The following ELAPOR2 variants were observed in gnomAD, a reference collection of about 807,000 sequenced individuals.
ELAPOR2 encodes the protein endosome/lysosome-associated apoptosis and autophagy regulator family member 2.
Under a neutral mutation model 120.7 loss-of-function variants are expected in ELAPOR2, and 89 were observed. That is an observed-to-expected ratio of 0.74 (90% CI 0.62 to 0.88). The LOEUF (loss-of-function observed/expected upper bound fraction) is 0.88. Among genes scored for constraint, ELAPOR2 ranks in the 40% least tolerant of loss-of-function variants. The probability of loss-of-function intolerance (pLI) is 0.00; values close to 1 mark genes in which losing one functional copy is unlikely to be tolerated. For missense variants in ELAPOR2, 1,134 were observed against 1,251.6 expected (o/e 0.91, Z 1.42); for synonymous variants, 444 against 444.9 (o/e 1.00, Z 0.03).
chr7:87,000,967 G>A (rs1472210322), intron 1 of ELAPOR2, among the ~76,000 whole-genome samples: 1 of 152,108 alleles, frequency 6.6e-6, no homozygotes, highest in African/African-American at 2.4e-5. Flanking sequence ...TTTATAAATG[G>A]AAATATTGTA....
chr7:87,018,157 C>T (rs1483045009), intron 1 of ELAPOR2, among the ~76,000 whole-genome samples: 1 of 152,072 alleles, frequency 6.6e-6, no homozygotes, highest in Non-Finnish European at 1.5e-5. Flanking sequence ...TCTCCTGCCT[C>T]AGCCTCCCAA....
intron 21 of ELAPOR2, chr7:86,891,259 C>CA (rs1444565748): frequency 6.6e-6 from 1 of 152,052 alleles, no homozygotes; most frequent in African/African-American, 2.4e-5. Flanking sequence ...GTGAAAATTC[C>CA]AATATCACAA....
chr7:86,916,865 G>A (rs1266046049), intron 12 of ELAPOR2, among the ~76,000 whole-genome samples: 1 of 151,604 alleles, frequency 6.6e-6, no homozygotes, highest in Non-Finnish European at 1.5e-5. Context: ...CCAGACTGCA[G>A]TGTAGTGGCA....
At chr7:86,914,671 G>A in intron 13 of ELAPOR2, 52 bp downstream of exon 13, 3 of 1,502,376 alleles carry the variant, frequency 2.0e-6, no homozygotes, top group South Asian at 1.3e-5. Context: ...ATCTCCACAA[G>A]GGGGCATCAT....
chr7:86,981,186 A>G (rs1269993963), intron 1 of ELAPOR2, among the ~76,000 whole-genome samples: 2 of 152,258 alleles, frequency 1.3e-5, no homozygotes, highest in East Asian at 3.9e-4. Context: ...GTTCCCTTAA[A>G]TTGGTCCATA....
chr7:86,912,117 T>C lies in ELAPOR2; in HGVS notation c.2124A>G (p.Gly708=). ...LMNGPSFTSK[G]TKYFHFFNIS... Reference sequence around the variant, plus strand: ...TATTGAAGAAATGGAAGTATTTTGTTCCTTTGGAGGTGAAGCTGGGGCCAT... The same window carrying C: ...TATTGAAGAAATGGAAGTATTTTGTCCCTTTGGAGGTGAAGCTGGGGCCAT... Residue 708 remains glycine (G), a synonymous_variant, in exon 15 of 22, where the codon GGA becomes GGG. Coordinates refer to ENST00000450689, the MANE Select transcript of ELAPOR2 (RefSeq NM_001142749.3). 6.2e-7 allele frequency: 1 copy of C among 1,611,992 alleles called. No homozygotes were observed.
At chr7:87,028,878 T>C (rs565767194) in intron 1 of ELAPOR2, among the ~76,000 whole-genome samples, 2 of 152,324 alleles carry the variant, frequency 1.3e-5, no homozygotes, top group East Asian at 3.9e-4. Context: ...CCTCTCACTC[T>C]GCTCAAGCCA....
At chr7:86,884,855 C>T (rs1337056819) in intron 21 of ELAPOR2, among the ~76,000 whole-genome samples, 1 of 152,152 alleles carries the variant, frequency 6.6e-6, no homozygotes, top group Non-Finnish European at 1.5e-5. Context: ...GGCTCAACAC[C>T]TCTTGCAATC....
chr7:86,881,357 C>T (rs1337402269), intron 21 of ELAPOR2, among the ~76,000 whole-genome samples: 1 of 138,964 alleles, frequency 7.2e-6, no homozygotes, highest in Non-Finnish European at 1.6e-5. Flanking sequence ...CAAGCACGCC[C>T]TTTTTTTTTT....
At chr7:86,885,452 A>G (rs1010827956) in intron 21 of ELAPOR2, among the ~76,000 whole-genome samples, 2 of 152,156 alleles carry the variant, frequency 1.3e-5, no homozygotes, top group African/African-American at 4.8e-5. Flanking sequence ...AAGTGAATGC[A>G]AACATCTTGT....
Position 86,974,620 on chromosome 7 carries a change from T to TG in ELAPOR2, c.190-9597_190-9596insC, listed in dbSNP as rs57026925. ...GTGTGTGTGTGTGTGTGTGTGTGTGTTGGATACATGAAAAAAGACTATAGG... is the reference window on the plus strand; with the variant it reads ...GTGTGTGTGTGTGTGTGTGTGTGTGTGTGGATACATGAAAAAAGACTATAGG... On this transcript the variant is annotated intron_variant, in intron 1 of 21. Transcript: ENST00000450689. 1.3e-4 allele frequency among the ~76,000 whole-genome samples: 19 copies of TG among 148,734 alleles called. No individual in the cohort carries two copies. The East Asian group carries it at 2.6e-3, about 20-fold the overall frequency.
chr7:86,905,068 AGAGAAGGAAG>A (rs1788911093), intron 18 of ELAPOR2, among the ~76,000 whole-genome samples: 1 of 141,076 alleles, frequency 7.1e-6, no homozygotes, highest in African/African-American at 2.7e-5. Flanking sequence ...AGACAGAGAG[AGAGAAGGAAG>A]GAAGGAAGGA....
Position 86,940,101 on chromosome 7 carries a change from T to A in ELAPOR2, c.756A>T (p.Ser252=), listed in dbSNP as rs1345994401. 1 of 1,610,194 alleles carries A rather than the reference T, an allele frequency of 6.2e-7. No homozygotes were observed. The highest frequency in any genetic ancestry group is 1.7e-5 in the Admixed American group (1 of 59,800). The part of the protein sequence containing the change: ...EWGSHSVMLK[S]GTNILYWRTT... ...TTCTCCAGTAGAGTATGTTTGTGCCTGATTTCAGCATTACCTATAAAGAGA... is the reference window on the plus strand; with the variant it reads ...TTCTCCAGTAGAGTATGTTTGTGCCAGATTTCAGCATTACCTATAAAGAGA... The change falls in exon 6 of 22, where the codon TCA becomes TCT. Residue 252 remains serine (S), a synonymous_variant. Transcript: ENST00000450689.
chr7:87,023,130 G>C (rs892930812), intron 1 of ELAPOR2, among the ~76,000 whole-genome samples: 3 of 152,142 alleles, frequency 2.0e-5, no homozygotes, highest in Non-Finnish European at 4.4e-5. Flanking sequence ...TAGACATGAA[G>C]TCCTTGCCCA....
At chr7:86,915,057 T>G (rs1789502138) in intron 12 of ELAPOR2, among the ~76,000 whole-genome samples, 197 bp from the exon 13 acceptor site, 1 of 152,134 alleles carries the variant, frequency 6.6e-6, no homozygotes, top group Non-Finnish European at 1.5e-5. Flanking sequence ...GTAATCACAA[T>G]ATATCAACCA....
chr7:86,925,927 T>A (rs905856276), intron 9 of ELAPOR2, among the ~76,000 whole-genome samples: 5 of 152,030 alleles, frequency 3.3e-5, no homozygotes, highest in Non-Finnish European at 7.4e-5. Flanking sequence ...AATTTTTTCC[T>A]TCACATCTGG....
chr7:86,916,480 A>G (rs1323872079), intron 12 of ELAPOR2, among the ~76,000 whole-genome samples: 2 of 152,206 alleles, frequency 1.3e-5, no homozygotes, highest in Non-Finnish European at 2.9e-5. Flanking sequence ...GTGAGTCATA[A>G]AAGCAGGTTT....
At chr7:86,933,385 T>C (rs1790416992) in intron 8 of ELAPOR2, among the ~76,000 whole-genome samples, 1 of 151,962 alleles carries the variant, frequency 6.6e-6, no homozygotes, top group African/African-American at 2.4e-5. Context: ...GCCCTAATTC[T>C]GCTTATCTTT....
intron 2 of ELAPOR2, among the ~76,000 whole-genome samples, chr7:86,948,786 C>T (rs918842549): frequency 6.6e-6 from 1 of 152,062 alleles, no homozygotes; most frequent in African/African-American, 2.4e-5. Context: ...TCAACATCCT[C>T]CAAGTACATG....
Sources: gnomAD v4.1 joint callset for allele counts (sites outside exome capture counted in the v4.1 genomes callset) on GRCh38, gnomAD v4.1.1 for gene constraint, MANE v1.5 for transcripts, NCBI Gene and HGNC (gene_info 2026-07-23, HGNC 2026-07-21) for gene names.